Variants in NSMCE2 observed in about 807,000 individuals in gnomAD.
NSMCE2 encodes E3 SUMO-protein ligase NSE2.
A neutral mutation model predicts 23.8 loss-of-function variants in NSMCE2; 24 were observed. The ratio of observed to expected loss-of-function variants is 1.01; its 90% CI spans 0.73 to 1.42. The LOEUF is 1.42. Ranked by LOEUF, NSMCE2 falls within the 40% of genes most tolerant of loss-of-function variation. NSMCE2 has a pLI of 0.00. For synonymous variants in NSMCE2, 92 were observed against 94.1 expected (o/e 0.98, Z 0.13); for missense variants, 284 against 296.5 (o/e 0.96, Z 0.31).
At chr8:125,144,357 C>G (rs571202523) in intron 3 of NSMCE2, among the ~76,000 whole-genome samples, 5 of 152,322 alleles carry the variant, frequency 3.3e-5, no homozygotes, top group South Asian at 4.1e-4. Context: ...GGTCTGTTAG[C>G]CATGCCCACC....
At chr8:125,118,119 G>GCGGGCGGATCACCTGAGGT (rs1277803765) in intron 3 of NSMCE2, among the ~76,000 whole-genome samples, 1 of 152,066 alleles carries the variant, frequency 6.6e-6, no homozygotes, top group Non-Finnish European at 1.5e-5. Flanking sequence ...GGAGGCCGAG[G>GCGGGCGGATCACCTGAGGT]CGGGCGGATC....
At chr8:125,207,595 G>C (rs1013017701) in intron 5 of NSMCE2, among the ~76,000 whole-genome samples, 12 of 152,300 alleles carry the variant, frequency 7.9e-5, no homozygotes, top group African/African-American at 2.6e-4. Context: ...TGAGTTTCCA[G>C]CTCTCTTAGT....
intron 3 of NSMCE2, among the ~76,000 whole-genome samples, chr8:125,113,607 T>C (rs1034252759): frequency 1.3e-4 from 20 of 152,308 alleles, no homozygotes; most frequent in African/African-American, 4.3e-4. Flanking sequence ...TTCACAATGA[T>C]GTGGATTAGA....
intron 5 of NSMCE2, among the ~76,000 whole-genome samples, chr8:125,328,479 G>A (rs924377220): frequency 3.3e-5 from 5 of 152,324 alleles, no homozygotes; most frequent in Admixed American, 3.3e-4. Flanking sequence ...CAGGCACAAG[G>A]AGTATCTTAA....
chr8:125,280,773 TA>T (rs1161554058), intron 5 of NSMCE2, among the ~76,000 whole-genome samples: 1 of 152,210 alleles, frequency 6.6e-6, no homozygotes, highest in Non-Finnish European at 1.5e-5. Context: ...TAGGAGTCAA[TA>T]ACGATTCACT....
intron 4 of NSMCE2, among the ~76,000 whole-genome samples, chr8:125,165,338 G>A (rs1004345184): frequency 1.3e-5 from 2 of 152,126 alleles, no homozygotes; most frequent in South Asian, 2.1e-4. Context: ...AAATTAAATT[G>A]GAAAACAATA....
At chr8:125,108,348 G>A (rs529532243) in intron 3 of NSMCE2, among the ~76,000 whole-genome samples, 2 of 152,160 alleles carry the variant, frequency 1.3e-5, no homozygotes, top group Admixed American at 6.5e-5. Context: ...GGAAAACACC[G>A]GTTGTTTAAG....
At chr8:125,342,983 T>C (rs1830301987) in intron 5 of NSMCE2, among the ~76,000 whole-genome samples, 1 of 152,214 alleles carries the variant, frequency 6.6e-6, no homozygotes, top group South Asian at 2.1e-4. Context: ...TCCTGACTTT[T>C]TTTTTAAACG....
intron 5 of NSMCE2, among the ~76,000 whole-genome samples, chr8:125,281,060 T>C (rs1827670829): frequency 6.6e-6 from 1 of 152,242 alleles, no homozygotes; most frequent in African/African-American, 2.4e-5. Flanking sequence ...CTTTTCTTTT[T>C]TGTCTACAAC....
At chr8:125,260,145 C>A (rs1045229010) in intron 5 of NSMCE2, among the ~76,000 whole-genome samples, 1 of 152,194 alleles carries the variant, frequency 6.6e-6, no homozygotes. Context: ...CCCTACTACA[C>A]GACTCTTGGG....
chr8:125,248,165 A>T (rs915945297), intron 5 of NSMCE2, among the ~76,000 whole-genome samples: 1 of 152,238 alleles, frequency 6.6e-6, no homozygotes, highest in Admixed American at 6.5e-5. Flanking sequence ...CTAAAGTGTG[A>T]AAAGAAACAG....
chr8:125,151,252 A>G lies in NSMCE2; in HGVS notation c.239A>G (p.Lys80Arg), dbSNP rs1167263764. 1.3e-6 allele frequency: 2 copies of G among 1,596,580 alleles called. No homozygotes were observed. Among genetic ancestry groups the G allele is most frequent in the East Asian group, 2.2e-5 (1 of 44,686 alleles). The change falls in exon 4 of 8, where the codon AAG (lysine) becomes AGG (arginine). Residue 80 changes from lysine (K) to arginine (R), a missense_variant. Coordinates refer to ENST00000287437, the MANE Select transcript of NSMCE2 (RefSeq NM_173685.4). ...GATCGGCAACTAAACCATTATGTAA[A>G]GGCTGTTCAATCTACAATAAATCAT... ...TLDRQLNHYVKAVQSTINHVK... is the reference protein window; with the variant it reads ...TLDRQLNHYVRAVQSTINHVK...
chr8:125,206,793 T>C (rs1212214414), intron 5 of NSMCE2, among the ~76,000 whole-genome samples: 1 of 152,170 alleles, frequency 6.6e-6, no homozygotes, highest in Non-Finnish European at 1.5e-5. Context: ...TGAAAACATT[T>C]CGTGTAAGAC....
chr8:125,349,878 T>C (rs1196484338), intron 5 of NSMCE2, among the ~76,000 whole-genome samples: 2 of 152,222 alleles, frequency 1.3e-5, no homozygotes, highest in African/African-American at 4.8e-5. Context: ...GGTCCAGGAC[T>C]GCACCCCGAG....
At chr8:125,111,974 G>T (rs748107216) in intron 3 of NSMCE2, among the ~76,000 whole-genome samples, 1 of 152,056 alleles carries the variant, frequency 6.6e-6, no homozygotes, top group Non-Finnish European at 1.5e-5. Context: ...TAGTTGAGTC[G>T]GGGAGATTTC....
At chr8:125,341,803 A>G (rs1190794245) in intron 5 of NSMCE2, among the ~76,000 whole-genome samples, 1 of 150,502 alleles carries the variant, frequency 6.6e-6, no homozygotes, top group Non-Finnish European at 1.5e-5. Context: ...ACTCCTTTGC[A>G]GAAGAGGTAG....
chr8:125,182,821 G>A (rs1454304867), intron 5 of NSMCE2: 1 of 152,474 alleles, frequency 6.6e-6, no homozygotes, highest in African/African-American at 2.4e-5. Flanking sequence ...ACATAATTTT[G>A]ACTTAAGAAT....
chr8:125,283,600 A>G (rs546573665), intron 5 of NSMCE2, among the ~76,000 whole-genome samples: 2 of 152,358 alleles, frequency 1.3e-5, no homozygotes, highest in South Asian at 4.1e-4. Flanking sequence ...AAACTGCTTA[A>G]TTAACCTCTG....
chr8:125,283,643 T>A (rs1039845963), intron 5 of NSMCE2, among the ~76,000 whole-genome samples: 1 of 152,170 alleles, frequency 6.6e-6, no homozygotes, highest in African/African-American at 2.4e-5. Context: ...AACATGAAGA[T>A]GAAATGCAAT....
Sources: allele counts gnomAD v4.1 joint callset (sites outside exome capture counted in the v4.1 genomes callset), GRCh38; gene constraint gnomAD v4.1.1; transcripts MANE v1.5; gene names NCBI Gene and HGNC (gene_info 2026-07-23, HGNC 2026-07-21).